The following CNTN5 variants were observed in gnomAD, a reference collection of about 807,000 sequenced individuals.
The protein encoded by CNTN5 is contactin-5.
CNTN5 carries 77 observed loss-of-function variants against 129.1 expected under a neutral mutation model. The observed-to-expected ratio is 0.60, with a 90% CI of 0.50 to 0.72. The LOEUF (loss-of-function observed/expected upper bound fraction) is 0.72, where lower values mean the gene tolerates loss of function less well. Among genes scored for constraint, CNTN5 ranks in the 30% least tolerant of loss-of-function variants. The probability of loss-of-function intolerance (pLI) is 0.00; values close to 1 mark genes in which losing one functional copy is unlikely to be tolerated. For synonymous variants in CNTN5, 509 were observed against 465.6 expected (o/e 1.09, Z -1.20); for missense variants, 1,478 against 1,328.8 (o/e 1.11, Z -1.75).
At chr11:99,346,448 G>C (rs1026828407) in intron 2 of CNTN5, among the ~76,000 whole-genome samples, 2 of 152,182 alleles carry the variant, frequency 1.3e-5, no homozygotes, top group African/African-American at 4.8e-5. Flanking sequence ...TGGCCCTTGT[G>C]ACAGGGATTA....
At chr11:99,678,885 A>C (rs1953417334) in intron 3 of CNTN5, among the ~76,000 whole-genome samples, 1 of 151,594 alleles carries the variant, frequency 6.6e-6, no homozygotes. Flanking sequence ...ATTAAGATAT[A>C]TAACCTTTTT....
At chr11:99,794,796 T>A (rs967665517) in intron 3 of CNTN5, among the ~76,000 whole-genome samples, 3 of 152,318 alleles carry the variant, frequency 2.0e-5, no homozygotes, top group South Asian at 2.1e-4. Context: ...GGCCCACTGT[T>A]AGCCTGGTGG....
chr11:100,356,142 G>A lies in CNTN5; in HGVS notation c.3225G>A (p.Ser1075=), dbSNP rs200220213. 93 of 1,609,758 alleles carry A rather than the reference G, an allele frequency of 5.8e-5. No individual in the cohort carries two copies. The highest frequency in any genetic ancestry group is 2.3e-4 in the African/African-American group (17 of 74,694). The change falls in exon 25 of 25, where the codon TCG becomes TCA. Residue 1075 remains serine, a synonymous_variant. Transcript: ENST00000524871. ...GTGGAAAAATCACAAGTGCACAGTC[G>A]ACCCTTCACTCTCTCTCCACATCTT... ...YSGGKITSAQ[S]TLHSLSTSSS...
In CNTN5 at chr11:99,073,387, T is replaced by G. The variant is rs1047584331; in HGVS notation, c.-210+52117T>G. On this transcript the variant is annotated intron_variant, in intron 1 of 24. Coordinates refer to ENST00000524871, the MANE Select transcript of CNTN5 (RefSeq NM_014361.4). ...CTTTATGGTTTGGTTTTTTTTTTTT[T>G]TTTTTTTTTTTACTTTAAGTTCTAG... 1.1e-4 allele frequency among the ~76,000 whole-genome samples: 17 copies of G among 149,092 alleles called. 1 individual carries two copies. Among genetic ancestry groups the G allele is most frequent in the East Asian group, 3.9e-4 (2 of 5,118 alleles).
At chr11:99,622,837 G>GAAA (rs139145102) in intron 3 of CNTN5, among the ~76,000 whole-genome samples, 62,693 of 149,470 alleles carry the variant, frequency 0.42, 13,376 homozygotes, top group Admixed American at 0.56. Context: ...TTAGAAAACT[G>GAAA]AAAAAAAAAG....
At chr11:99,292,419 G>C (rs1421483066) in intron 1 of CNTN5, among the ~76,000 whole-genome samples, 1 of 151,942 alleles carries the variant, frequency 6.6e-6, no homozygotes, top group African/African-American at 2.4e-5. Flanking sequence ...TAAGAAAATA[G>C]AGGAAAGGAC....
intron 8 of CNTN5, among the ~76,000 whole-genome samples, chr11:99,969,587 G>A (rs1951193176): frequency 6.6e-6 from 1 of 152,078 alleles, no homozygotes; most frequent in Non-Finnish European, 1.5e-5. Context: ...CTCTAAACTA[G>A]TCAGGTTACT....
chr11:99,626,626 T>C (rs1951142591), intron 3 of CNTN5, among the ~76,000 whole-genome samples: 1 of 152,142 alleles, frequency 6.6e-6, no homozygotes, highest in African/African-American at 2.4e-5. Context: ...TAGTATGTCA[T>C]TTTATTTTTT....
intron 1 of CNTN5, among the ~76,000 whole-genome samples, chr11:99,121,230 G>A (rs1205558259): frequency 6.6e-6 from 1 of 151,540 alleles, no homozygotes; most frequent in Non-Finnish European, 1.5e-5. Context: ...CACCTTCTGG[G>A]TTCAAGTGAT....
intron 9 of CNTN5, among the ~76,000 whole-genome samples, chr11:100,015,873 T>C (rs980903844): frequency 1.3e-5 from 2 of 152,100 alleles, no homozygotes; most frequent in African/African-American, 2.4e-5. Context: ...CACATACTTA[T>C]AGTTTCTAAT....
intron 8 of CNTN5, among the ~76,000 whole-genome samples, chr11:99,973,035 T>C (rs1233967953): frequency 1.3e-5 from 2 of 152,004 alleles, no homozygotes; most frequent in African/African-American, 4.8e-5. Context: ...ACTTTTATAC[T>C]AGATAGGGTT....
intron 8 of CNTN5, among the ~76,000 whole-genome samples, chr11:99,966,713 T>C (rs1243671815): frequency 2.0e-5 from 3 of 152,204 alleles, no homozygotes; most frequent in African/African-American, 4.8e-5. Flanking sequence ...TAGATGGTAG[T>C]GAGCGTAGAT....
intron 3 of CNTN5, among the ~76,000 whole-genome samples, chr11:99,718,158 T>C (rs981847607): frequency 6.6e-6 from 1 of 151,656 alleles, no homozygotes; most frequent in African/African-American, 2.4e-5. Context: ...TATTTCTTTT[T>C]AATAACCTCA....
chr11:99,164,380 A>G (rs1447224924), intron 1 of CNTN5, among the ~76,000 whole-genome samples: 1 of 151,828 alleles, frequency 6.6e-6, no homozygotes, highest in African/African-American at 2.4e-5. Flanking sequence ...AGAAGTATCT[A>G]TATACTTACC....
intron 2 of CNTN5, among the ~76,000 whole-genome samples, chr11:99,336,555 A>G (rs1376845296): frequency 6.6e-6 from 1 of 152,160 alleles, no homozygotes; most frequent in Non-Finnish European, 1.5e-5. Flanking sequence ...AGAATAAGAA[A>G]TAGGCCTGGT....
At chr11:99,052,809 T>C (rs1478250782) in intron 1 of CNTN5, among the ~76,000 whole-genome samples, 2 of 151,904 alleles carry the variant, frequency 1.3e-5, no homozygotes, top group Non-Finnish European at 1.5e-5. Context: ...TCCTGAGTCA[T>C]GTTGATTCTA....
intron 2 of CNTN5, among the ~76,000 whole-genome samples, chr11:99,404,642 G>A (rs1272319704): frequency 6.6e-6 from 1 of 152,068 alleles, no homozygotes; most frequent in Admixed American, 6.5e-5. Context: ...GGCTAGTAAA[G>A]ACTGTATGCC....
At chr11:99,354,139 T>C (rs1184372217) in intron 2 of CNTN5, among the ~76,000 whole-genome samples, 1 of 152,232 alleles carries the variant, frequency 6.6e-6, no homozygotes, top group Non-Finnish European at 1.5e-5. Context: ...TTAATCATAA[T>C]TGGCTTTCTC....
chr11:100,075,869 C>A (rs754087378), intron 13 of CNTN5, among the ~76,000 whole-genome samples: 13 of 152,048 alleles, frequency 8.5e-5, no homozygotes, highest in African/African-American at 1.7e-4. Flanking sequence ...GGGAGAAGAT[C>A]AAAAATATCC....
Sources: allele counts gnomAD v4.1 joint callset (sites outside exome capture counted in the v4.1 genomes callset), GRCh38; gene constraint gnomAD v4.1.1; transcripts MANE v1.5; gene names NCBI Gene and HGNC (gene_info 2026-07-23, HGNC 2026-07-21).